The following FAM168A variants were observed in gnomAD, a reference collection of about 807,000 sequenced individuals.
The protein encoded by FAM168A is family with sequence similarity 168 member A.
In FAM168A, 3 loss-of-function variants were observed where a neutral mutation model predicts 28.5. The observed-to-expected ratio is 0.11, with a 90% CI of 0.05 to 0.27. The LOEUF (loss-of-function observed/expected upper bound fraction) is 0.27, where lower values mean the gene tolerates loss of function less well. Among genes scored for constraint, FAM168A ranks in the 10% least tolerant of loss-of-function variants. The pLI is 1.00. For missense variants in FAM168A, 222 were observed against 311.5 expected (o/e 0.71, Z 2.16); for synonymous variants, 122 against 124.2 (o/e 0.98, Z 0.12).
chr11:73,446,916 C>G (rs979377729), intron 2 of FAM168A, among the ~76,000 whole-genome samples: 3 of 152,194 alleles, frequency 2.0e-5, no homozygotes, highest in African/African-American at 7.2e-5. Context: ...AGCTTCCCAC[C>G]ACCAAGGATA....
At chr11:73,493,369 T>C (rs1346838781) in intron 1 of FAM168A, among the ~76,000 whole-genome samples, 2 of 152,110 alleles carry the variant, frequency 1.3e-5, no homozygotes, top group Non-Finnish European at 1.5e-5. Context: ...AGGCTCACTG[T>C]GTCTGTGTAT....
rs890441241 is a variant in FAM168A, at chr11:73,403,455, G to C, written c.*3308C>G. On this transcript the variant is annotated 3_prime_UTR_variant, in exon 8 of 8. Transcript: ENST00000356467. Reference sequence around the variant, plus strand: ...ACTTGGGGAGAGGCAGTGGCATGAGGAGGAGAGAGGGGTTTGCATCCTGGG... The same window carrying C: ...ACTTGGGGAGAGGCAGTGGCATGAGCAGGAGAGAGGGGTTTGCATCCTGGG... The C allele has an allele frequency of 1.3e-5, 2 of 152,220 alleles. No homozygotes were observed. The highest frequency in any genetic ancestry group is 4.8e-5 in the African/African-American group (2 of 41,432). 9.4% of individuals were successfully genotyped at this position (152,220 alleles called of 1,614,324 possible).
intron 2 of FAM168A, among the ~76,000 whole-genome samples, chr11:73,442,125 CT>C (rs59066860): frequency 0.11 from 14,274 of 130,834 alleles, 2,138 homozygotes; most frequent in African/African-American, 0.4. Flanking sequence ...CTTTCTTCTT[CT>C]TTTTTTTTTT....
chr11:73,492,729 G>C (rs112149190), intron 1 of FAM168A, among the ~76,000 whole-genome samples: 14 of 152,264 alleles, frequency 9.2e-5, no homozygotes, highest in African/African-American at 2.6e-4. Flanking sequence ...CAGATGATAA[G>C]AGAATAAGAT....
intron 1 of FAM168A, among the ~76,000 whole-genome samples, chr11:73,508,830 G>A (rs1855165430): frequency 6.6e-6 from 1 of 152,188 alleles, no homozygotes; most frequent in Non-Finnish European, 1.5e-5. Flanking sequence ...AAAAGCCAGT[G>A]TAATATGATC....
At chr11:73,480,396 CTT>C (rs909001692) in intron 1 of FAM168A, among the ~76,000 whole-genome samples, 1 of 129,610 alleles carries the variant, frequency 7.7e-6, no homozygotes, top group Admixed American at 7.5e-5. Context: ...CTCTCTCTCT[CTT>C]TTTTTTTTTA....
At position 73,556,866 on chromosome 11, in the gene FAM168A, A is replaced by C. The variant is rs935206278; in HGVS notation, c.-19+41057T>G. On this transcript the variant is annotated intron_variant, in intron 1 of 7. Coordinates refer to ENST00000356467, the MANE Select transcript of FAM168A (RefSeq NM_015159.3). Reference sequence around the variant, plus strand: ...CAAAACCCTGCCTCTACTAAAAAAAAAAAAATACAAAAATTGACCAGGCAT... The same window carrying C: ...CAAAACCCTGCCTCTACTAAAAAAACAAAAATACAAAAATTGACCAGGCAT... Among the ~76,000 whole-genome samples, 11 of 152,030 alleles carry C rather than the reference A, an allele frequency of 7.2e-5. No homozygotes were observed. The South Asian group carries it at 2.3e-3, about 32-fold the overall frequency.
At chr11:73,488,923 T>C (rs1424426405) in intron 1 of FAM168A, among the ~76,000 whole-genome samples, 1 of 152,166 alleles carries the variant, frequency 6.6e-6, no homozygotes, top group African/African-American at 2.4e-5. Flanking sequence ...GAGTCTTGCT[T>C]TGTCACCTGG....
chr11:73,526,677 A>T (rs532535868), intron 1 of FAM168A, among the ~76,000 whole-genome samples: 2 of 152,276 alleles, frequency 1.3e-5, no homozygotes, highest in South Asian at 2.1e-4. Context: ...CTTGAAAACA[A>T]ATCGCTTATT....
At chr11:73,469,037 A>G (rs1867777247) in intron 1 of FAM168A, among the ~76,000 whole-genome samples, 1 of 152,236 alleles carries the variant, frequency 6.6e-6, no homozygotes, top group South Asian at 2.1e-4. Flanking sequence ...GATACCAGTT[A>G]CCAGCAGCTT....
At chr11:73,422,564 A>G (rs1422242634) in intron 3 of FAM168A, among the ~76,000 whole-genome samples, 6 of 152,218 alleles carry the variant, frequency 3.9e-5, no homozygotes, top group Non-Finnish European at 8.8e-5. Flanking sequence ...TGGGATGAAG[A>G]CAATCCCAAC....
chr11:73,427,411 C>T (rs1866907388), intron 3 of FAM168A, among the ~76,000 whole-genome samples: 1 of 152,142 alleles, frequency 6.6e-6, no homozygotes, highest in Non-Finnish European at 1.5e-5. Flanking sequence ...ATCTCAATCT[C>T]TTTTTTTCCC....
chr11:73,510,799 T>C (rs1474233568), intron 1 of FAM168A: 1 of 374,876 alleles, frequency 2.7e-6, no homozygotes, highest in Non-Finnish European at 4.7e-6. Context: ...ACACCATATA[T>C]TTACAGTAGG....
intron 1 of FAM168A, among the ~76,000 whole-genome samples, chr11:73,534,560 G>A (rs1017698133): frequency 2.0e-5 from 3 of 151,682 alleles, no homozygotes; most frequent in Non-Finnish European, 2.9e-5. Context: ...CCACCACCAC[G>A]CCTGGAAAAT....
intron 6 of FAM168A, among the ~76,000 whole-genome samples, chr11:73,408,649 G>A (rs1483702161): frequency 3.3e-5 from 5 of 151,882 alleles, no homozygotes; most frequent in African/African-American, 4.8e-5. Context: ...GTGTAGTGGC[G>A]CATGCCTGTG....
At position 73,430,810 on chromosome 11, in the gene FAM168A, AAAAACAAAAC is replaced by A. The variant is rs533303495; in HGVS notation, c.71-50_71-41del. ...GAAAAGGCTTATTTAGTTAGGCAAA[AAAAACAAAAC>A]AAAACAAAACAAAACAAAAAAACAC... On this transcript the variant is annotated intron_variant, in intron 2 of 7. Transcript: ENST00000356467. The A allele has an allele frequency of 7.8e-3, 11,543 of 1,483,956 alleles. 101 individuals are homozygous for A. The highest frequency in any genetic ancestry group is 0.032 in the Middle Eastern group (174 of 5,446). 91.9% of individuals were successfully genotyped at this position (1,483,956 alleles called of 1,614,324 possible).
At chr11:73,553,074 T>C (rs1943847668) in intron 1 of FAM168A, among the ~76,000 whole-genome samples, 1 of 152,208 alleles carries the variant, frequency 6.6e-6, no homozygotes, top group African/African-American at 2.4e-5. Context: ...TAATTAATCC[T>C]ATCAAGCCCA....
chr11:73,485,665 C>T (rs1189430178), intron 1 of FAM168A, among the ~76,000 whole-genome samples: 1 of 152,020 alleles, frequency 6.6e-6, no homozygotes, highest in East Asian at 1.9e-4. Context: ...TATTTTATTA[C>T]GTGTATTTTA....
At chr11:73,579,229 A>C (rs1944214768) in intron 1 of FAM168A, among the ~76,000 whole-genome samples, 1 of 152,240 alleles carries the variant, frequency 6.6e-6, no homozygotes, top group South Asian at 2.1e-4. Flanking sequence ...GGATACACTC[A>C]GTCCATAGCA....
Sources: allele counts gnomAD v4.1 joint callset (sites outside exome capture counted in the v4.1 genomes callset), GRCh38; gene constraint gnomAD v4.1.1; transcripts MANE v1.5; gene names NCBI Gene and HGNC (gene_info 2026-07-23, HGNC 2026-07-21).